ZNF804B: variants seen among roughly 807,000 people sequenced by gnomAD.
ZNF804B encodes zinc finger protein 804B.
In ZNF804B, 80 loss-of-function variants were observed where a neutral mutation model predicts 101.4. The observed-to-expected ratio is 0.79, with a 90% CI of 0.66 to 0.95. The LOEUF (loss-of-function observed/expected upper bound fraction) is 0.95, where lower values mean the gene tolerates loss of function less well. Among genes scored for constraint, ZNF804B ranks in the 40% least tolerant of loss-of-function variants. ZNF804B has a pLI of 0.00. For synonymous variants in ZNF804B, 622 were observed against 558.8 expected (o/e 1.11, Z -1.59); for missense variants, 1,673 against 1,561.9 (o/e 1.07, Z -1.20).
intron 1 of ZNF804B, among the ~76,000 whole-genome samples, chr7:89,148,128 AT>A (rs997231227): frequency 6.6e-6 from 1 of 151,978 alleles, no homozygotes; most frequent in African/African-American, 2.4e-5. Context: ...CAGCTCTGCT[AT>A]TTTTTATACC....
At chr7:88,842,606 A>T (rs1052181578) in intron 1 of ZNF804B, among the ~76,000 whole-genome samples, 1 of 152,220 alleles carries the variant, frequency 6.6e-6, no homozygotes, top group East Asian at 1.9e-4. Flanking sequence ...CTGCCTGCAC[A>T]TAATCTGTTT....
At chr7:89,164,555 A>C (rs1791113608) in intron 1 of ZNF804B, among the ~76,000 whole-genome samples, 1 of 152,120 alleles carries the variant, frequency 6.6e-6, no homozygotes, top group Non-Finnish European at 1.5e-5. Flanking sequence ...CAGGGACACA[A>C]TAGGTACAAA....
intron 2 of ZNF804B, among the ~76,000 whole-genome samples, chr7:89,316,625 A>C (rs892513054): frequency 6.6e-6 from 1 of 152,172 alleles, no homozygotes; most frequent in Non-Finnish European, 1.5e-5. Context: ...CAGCAAGAAC[A>C]TGCTAGATGT....
chr7:89,219,135 A>G (rs774987582), intron 2 of ZNF804B, among the ~76,000 whole-genome samples: 1 of 152,016 alleles, frequency 6.6e-6, no homozygotes, highest in Non-Finnish European at 1.5e-5. Context: ...GGTCAACTGT[A>G]TGTAGGGAAA....
At chr7:89,253,292 A>G (rs1789570404) in intron 2 of ZNF804B, among the ~76,000 whole-genome samples, 1 of 152,196 alleles carries the variant, frequency 6.6e-6, no homozygotes, top group African/African-American at 2.4e-5. Flanking sequence ...AAAAATTGAA[A>G]CAGAAGATCA....
chr7:89,282,450 C>G (rs1790115274), intron 2 of ZNF804B, among the ~76,000 whole-genome samples: 1 of 152,044 alleles, frequency 6.6e-6, no homozygotes, highest in Admixed American at 6.5e-5. Context: ...AACAAAACAA[C>G]AACAGCAAAA....
At chr7:89,040,367 A>G (rs1003911825) in intron 1 of ZNF804B, among the ~76,000 whole-genome samples, 2 of 151,860 alleles carry the variant, frequency 1.3e-5, no homozygotes, top group African/African-American at 4.8e-5. Flanking sequence ...TCTTGCTTCT[A>G]CTTGATTGAA....
intron 1 of ZNF804B, among the ~76,000 whole-genome samples, chr7:89,016,497 C>A (rs1473583838): frequency 6.6e-6 from 1 of 151,410 alleles, no homozygotes; most frequent in East Asian, 1.9e-4. Context: ...TTTAATCCAT[C>A]TTGAATTAAT....
chr7:89,084,947 A>T (rs1237394345), intron 1 of ZNF804B, among the ~76,000 whole-genome samples: 1 of 151,960 alleles, frequency 6.6e-6, no homozygotes, highest in Non-Finnish European at 1.5e-5. Flanking sequence ...TCTATAAATA[A>T]TCATTTATAA....
chr7:89,107,475 G>A (rs1310369454), intron 1 of ZNF804B, among the ~76,000 whole-genome samples: 1 of 152,002 alleles, frequency 6.6e-6, no homozygotes, highest in Admixed American at 6.6e-5. Flanking sequence ...CAAATCTATG[G>A]GGATACTCTT....
chr7:89,231,394 A>G (rs1473809564), intron 2 of ZNF804B, among the ~76,000 whole-genome samples: 1 of 152,034 alleles, frequency 6.6e-6, no homozygotes, highest in Non-Finnish European at 1.5e-5. Flanking sequence ...GAGTTCTCCA[A>G]ATTTGCTCTT....
chr7:88,945,804 A>T (rs1793119682), intron 1 of ZNF804B, among the ~76,000 whole-genome samples: 1 of 152,026 alleles, frequency 6.6e-6, no homozygotes, highest in Non-Finnish European at 1.5e-5. Context: ...GATCCTTCAC[A>T]TCCCTTGTAA....
chr7:88,905,804 C>T (rs540918190), intron 1 of ZNF804B, among the ~76,000 whole-genome samples: 4 of 151,698 alleles, frequency 2.6e-5, no homozygotes, highest in Non-Finnish European at 5.9e-5. Flanking sequence ...GCTCCTTCTC[C>T]CTGACAATTT....
At chr7:89,194,278 A>C (rs1363261503) in intron 1 of ZNF804B, among the ~76,000 whole-genome samples, 1 of 151,970 alleles carries the variant, frequency 6.6e-6, no homozygotes, top group Admixed American at 6.6e-5. Flanking sequence ...GTTCACTCTG[A>C]TGGTATTTCT....
chr7:89,258,790 T>C (rs1212443253), intron 2 of ZNF804B, among the ~76,000 whole-genome samples: 1 of 152,058 alleles, frequency 6.6e-6, no homozygotes, highest in Middle Eastern at 3.2e-3. Flanking sequence ...ATTAAAATCA[T>C]AGGAAAGAAA....
chr7:88,879,458 C>A (rs912266096), intron 1 of ZNF804B, among the ~76,000 whole-genome samples: 7 of 152,040 alleles, frequency 4.6e-5, no homozygotes, highest in Non-Finnish European at 8.8e-5. Context: ...ATGGGAAGCA[C>A]AGATAATGTG....
At chr7:89,311,348 G>T (rs1020825088) in intron 2 of ZNF804B, among the ~76,000 whole-genome samples, 2 of 152,092 alleles carry the variant, frequency 1.3e-5, no homozygotes, top group African/African-American at 4.8e-5. Context: ...TCGTCTCAAA[G>T]AAATGGTGAT....
At chr7:89,157,699 A>G (rs930707901) in intron 1 of ZNF804B, among the ~76,000 whole-genome samples, 2 of 152,068 alleles carry the variant, frequency 1.3e-5, no homozygotes, top group South Asian at 4.1e-4. Context: ...ACACATCCAA[A>G]TCTTTTCTAG....
chr7:88,815,591 A>G (rs753259675), intron 1 of ZNF804B, among the ~76,000 whole-genome samples: 7 of 151,930 alleles, frequency 4.6e-5, no homozygotes, highest in Non-Finnish European at 8.8e-5. Context: ...ATGCTCTGAT[A>G]TCCCATGCAA....
Sources: gnomAD v4.1 joint callset for allele counts (sites outside exome capture counted in the v4.1 genomes callset) on GRCh38, gnomAD v4.1.1 for gene constraint, MANE v1.5 for transcripts, NCBI Gene and HGNC (gene_info 2026-07-23, HGNC 2026-07-21) for gene names.